C12orf54: variants seen among roughly 807,000 people sequenced by gnomAD.
C12orf54 encodes the protein chromosome 12 open reading frame 54, also known as uncharacterized protein C12orf54.
C12orf54 carries 24 observed loss-of-function variants against 26.4 expected under a neutral mutation model. The observed-to-expected ratio is 0.91, with a 90% CI of 0.66 to 1.28. C12orf54 has a LOEUF of 1.28. C12orf54 is among the 50% of genes most tolerant of loss of function. The pLI, the probability that C12orf54 is intolerant of heterozygous loss-of-function variation, is 0.00. For missense variants in C12orf54, 154 were observed against 150.9 expected, an observed-to-expected ratio of 1.02 and a Z score of -0.11; for synonymous variants, 54 against 47.0, an observed-to-expected ratio of 1.15 and a Z score of -0.61.
At chr12:48,414,458 T>C in the C12orf54 span, among the ~76,000 whole-genome samples, 1 of 152,232 alleles carries the variant, frequency 6.6e-6, no homozygotes, top group African/African-American at 2.4e-5. Context: ...GGATAAAGGC[T>C]AGTGTGTTGG....
chr12:48,466,651 G>T, the C12orf54 span, among the ~76,000 whole-genome samples: 1 of 151,916 alleles, frequency 6.6e-6, no homozygotes, highest in Non-Finnish European at 1.5e-5. Flanking sequence ...CACCTATTAG[G>T]ATATTTAAAA....
At chr12:48,415,998 A>G in the C12orf54 span, among the ~76,000 whole-genome samples, 1 of 152,166 alleles carries the variant, frequency 6.6e-6, no homozygotes, top group Admixed American at 6.5e-5. Context: ...ATCTAGACTT[A>G]CCTTGAGCCC....
intron 5 of C12orf54, among the ~76,000 whole-genome samples, chr12:48,489,996 A>G (rs1013101858): frequency 3.3e-5 from 5 of 152,142 alleles, no homozygotes; most frequent in African/African-American, 1.2e-4. Flanking sequence ...TGCTGGGATT[A>G]CAGACATGAG....
the C12orf54 span, among the ~76,000 whole-genome samples, chr12:48,433,743 G>A: frequency 2.2e-4 from 33 of 152,226 alleles, no homozygotes; most frequent in Middle Eastern, 3.4e-3. Context: ...CACCGCACCC[G>A]GCCAGCCAGA....
the C12orf54 span, among the ~76,000 whole-genome samples, chr12:48,446,561 G>C: frequency 6.6e-6 from 1 of 152,108 alleles, no homozygotes. Context: ...GGGCAGCTGG[G>C]CCCATCCTGA....
intron 4 of C12orf54, 152 bp from the exon 5 acceptor site, chr12:48,488,772 T>C: frequency 1.5e-6 from 1 of 672,842 alleles, no homozygotes; most frequent in East Asian, 2.7e-5. Context: ...TGAGGATTTA[T>C]TGCTAGCGCT....
At chr12:48,463,234 A>C in the C12orf54 span, among the ~76,000 whole-genome samples, 1 of 151,962 alleles carries the variant, frequency 6.6e-6, no homozygotes, top group African/African-American at 2.4e-5. Flanking sequence ...AAAGAAGCTA[A>C]GGGGGATATT....
rs555542939 is a variant in C12orf54, at chr12:48,489,681, T to G, written c.168+725T>G. Among the ~76,000 whole-genome samples the G allele has an allele frequency of 3.3e-5, 5 of 152,056 alleles. No homozygotes were observed. The South Asian group carries it at 1.0e-3, about 32-fold the overall frequency. ...ATCTGCCAGCCTTGGCCTCCCAAAG[T>G]GCTGGGATTACAGGCATGAGGCATT... On this transcript the variant is annotated intron_variant, in intron 5 of 8. Coordinates refer to ENST00000548364, the MANE Select transcript of C12orf54 (RefSeq NM_152319.4).
At chr12:48,452,447 G>T in the C12orf54 span, among the ~76,000 whole-genome samples, 1 of 152,122 alleles carries the variant, frequency 6.6e-6, no homozygotes, top group South Asian at 2.1e-4. Context: ...TGACAAAGAT[G>T]CTAAAAGCAA....
At chr12:48,445,774 G>A in the C12orf54 span, among the ~76,000 whole-genome samples, 7 of 152,158 alleles carry the variant, frequency 4.6e-5, no homozygotes, top group African/African-American at 1.7e-4. Context: ...GACAATTGAG[G>A]GGCTGAAGAA....
the C12orf54 span, among the ~76,000 whole-genome samples, chr12:48,462,019 G>C: frequency 3.3e-5 from 5 of 151,712 alleles, no homozygotes; most frequent in East Asian, 9.6e-4. Flanking sequence ...GATGGATAGA[G>C]AAAGGAGACA....
the C12orf54 span, among the ~76,000 whole-genome samples, chr12:48,416,131 T>C: frequency 2.0e-5 from 3 of 152,234 alleles, no homozygotes; most frequent in African/African-American, 4.8e-5. Flanking sequence ...TACCGTCAGA[T>C]GTCACATGGA....
At chr12:48,433,679 C>A in the C12orf54 span, among the ~76,000 whole-genome samples, 1 of 152,106 alleles carries the variant, frequency 6.6e-6, no homozygotes, top group African/African-American at 2.4e-5. Flanking sequence ...GATCTCTTGA[C>A]CTTGTGATCT....
chr12:48,475,752 G>C, the C12orf54 span, among the ~76,000 whole-genome samples: 1 of 152,168 alleles, frequency 6.6e-6, no homozygotes, highest in African/African-American at 2.4e-5. Context: ...TATGTGAAAA[G>C]ACGAAATCTA....
the C12orf54 span, among the ~76,000 whole-genome samples, chr12:48,440,962 C>T: frequency 3.3e-5 from 5 of 152,138 alleles, no homozygotes; most frequent in Non-Finnish European, 7.4e-5. Flanking sequence ...GTGGGATAGT[C>T]AGTGTATCAA....
chr12:48,476,631 A>G, the C12orf54 span, among the ~76,000 whole-genome samples: 2 of 152,210 alleles, frequency 1.3e-5, no homozygotes, highest in South Asian at 2.1e-4. Context: ...AACCAACAAA[A>G]ATCAAAAGAG....
the C12orf54 span, among the ~76,000 whole-genome samples, chr12:48,451,589 AC>A: frequency 9.9e-5 from 15 of 152,182 alleles, no homozygotes; most frequent in African/African-American, 3.1e-4. Flanking sequence ...TTTCTAGAAA[AC>A]CCAATCATCT....
At chr12:48,462,645 C>A in the C12orf54 span, among the ~76,000 whole-genome samples, 6 of 151,428 alleles carry the variant, frequency 4.0e-5, no homozygotes, top group Non-Finnish European at 8.9e-5. Context: ...TTAATATGTA[C>A]AGAAAAAGCA....
In C12orf54 at chr12:48,490,926, G is replaced by C. The variant is rs1179667439; in HGVS notation, c.193+90G>C. ...CATTGTATCCATTTGCCATACAAAA[G>C]AAAATGGAGATAAGAAGTGAGATAT... On this transcript the variant is annotated intron_variant, in intron 6 of 8. Transcript: ENST00000548364. 16 of 1,473,628 alleles carry C rather than the reference G, an allele frequency of 1.1e-5. No individual in the cohort carries two copies. In the East Asian group the frequency reaches 3.6e-4, roughly 33 times the overall value. The allele number at this position is 1,473,628 out of a possible 1,614,324, so 91.3% of individuals were successfully genotyped here. A position where few individuals can be genotyped will look rare whatever the true frequency, so the allele number is the denominator to read the frequency against.
Sources: allele counts gnomAD v4.1 joint callset (sites outside exome capture counted in the v4.1 genomes callset), GRCh38; gene constraint gnomAD v4.1.1; transcripts MANE v1.5; gene names NCBI Gene and HGNC (gene_info 2026-07-23, HGNC 2026-07-21).